Variants in SMAD2 observed in about 807,000 individuals in gnomAD.
The protein encoded by SMAD2 is SMAD family member 2.
A neutral mutation model predicts 64.4 loss-of-function variants in SMAD2; 8 were observed. The observed-to-expected ratio is 0.12, with a 90% confidence interval of 0.07 to 0.22. The LOEUF (loss-of-function observed/expected upper bound fraction) is 0.22. Ranked by LOEUF, SMAD2 falls within the 10% of genes least tolerant of loss-of-function variation. SMAD2 has a pLI of 1.00. For missense variants in SMAD2, 289 were observed against 561.2 expected (o/e 0.51, Z 4.90); for synonymous variants, 203 against 195.8 (o/e 1.04, Z -0.31).
intron 1 of SMAD2, among the ~76,000 whole-genome samples, chr18:47,914,530 A>G (rs545710984): frequency 6.6e-6 from 1 of 152,266 alleles, no homozygotes; most frequent in South Asian, 2.1e-4. Context: ...TACTTTTCAT[A>G]TTAAGTTTCT....
chr18:47,894,778 T>C (rs982929891), intron 2 of SMAD2, among the ~76,000 whole-genome samples: 2 of 152,198 alleles, frequency 1.3e-5, no homozygotes, highest in African/African-American at 4.8e-5. Flanking sequence ...AAACACTGTA[T>C]CTTAACTCCA....
chr18:47,861,930 T>A (rs2031218425), intron 6 of SMAD2, among the ~76,000 whole-genome samples: 1 of 152,218 alleles, frequency 6.6e-6, no homozygotes, highest in African/African-American at 2.4e-5. Flanking sequence ...TTGTCCCTAT[T>A]TTACAGATTT....
chr18:47,822,375 C>G lies in SMAD2; in HGVS notation c.*19452G>C, dbSNP rs1437492638. 4 of 152,200 alleles carry G rather than the reference C, an allele frequency of 2.6e-5. No homozygotes were observed. The South Asian group carries it at 6.2e-4, about 24-fold the overall frequency. 9.4% of individuals were successfully genotyped at this position (152,200 alleles called of 1,614,324 possible). A position where few individuals can be genotyped will look rare whatever the true frequency, so the allele number is the denominator to read the frequency against. On this transcript the variant is annotated 3_prime_UTR_variant, in exon 11 of 11. Coordinates refer to ENST00000262160, the MANE Select transcript of SMAD2 (RefSeq NM_005901.6). ...ACTTTTAAATACAGGTTACTAATCACTTTAATACCAATGGACTAAATATTT... is the reference window on the plus strand; with the variant it reads ...ACTTTTAAATACAGGTTACTAATCAGTTTAATACCAATGGACTAAATATTT...
At chr18:47,860,027 C>T (rs563727080) in intron 6 of SMAD2, among the ~76,000 whole-genome samples, 22 of 152,124 alleles carry the variant, frequency 1.4e-4, no homozygotes, top group African/African-American at 1.9e-4. Flanking sequence ...CCCAGCTTCT[C>T]GAGAGGCTAA....
In SMAD2 at chr18:47,851,845, A is replaced by G. The variant is rs549969041; in HGVS notation, c.731-518T>C. On this transcript the variant is annotated intron_variant, in intron 6 of 10. Coordinates refer to ENST00000262160, the MANE Select transcript of SMAD2 (RefSeq NM_005901.6). ...TAAGAACCAATGCTTTGAGATTGCA[A>G]TAACTAATCTTGACCGTTTTGCACG... Among the ~76,000 whole-genome samples the G allele has an allele frequency of 1.1e-4, 17 of 152,318 alleles. No individual in the cohort carries two copies. The South Asian group carries it at 2.1e-3, about 19-fold the overall frequency.
At chr18:47,891,591 A>T (rs918680620) in intron 2 of SMAD2, among the ~76,000 whole-genome samples, 1 of 151,166 alleles carries the variant, frequency 6.6e-6, no homozygotes, top group Admixed American at 6.6e-5. Context: ...CACAGATGTG[A>T]TCACTGCACA....
At chr18:47,850,239 T>TTATATATTATA (rs560134971) in intron 7 of SMAD2, among the ~76,000 whole-genome samples, 891 of 62,552 alleles carry the variant, frequency 0.014, 14 homozygotes, top group Non-Finnish European at 0.021. Flanking sequence ...ATATTATATA[T>TTATATATTATA]TATATATTAT....
chr18:47,856,927 G>A (rs1204733089), intron 6 of SMAD2, among the ~76,000 whole-genome samples: 9 of 141,048 alleles, frequency 6.4e-5, no homozygotes, highest in African/African-American at 2.1e-4. Flanking sequence ...GCGGGATCTC[G>A]GCTCACTGCA....
At chr18:47,923,978 G>A (rs901300279) in intron 1 of SMAD2, among the ~76,000 whole-genome samples, 1 of 152,206 alleles carries the variant, frequency 6.6e-6, no homozygotes, top group African/African-American at 2.4e-5. Context: ...GCCGGGCGCA[G>A]TGGCTCACGC....
At chr18:47,916,086 C>T (rs916247837) in intron 1 of SMAD2, among the ~76,000 whole-genome samples, 1 of 152,166 alleles carries the variant, frequency 6.6e-6, no homozygotes, top group Non-Finnish European at 1.5e-5. Context: ...TTTTCTAATG[C>T]TTAATCATCC....
intron 1 of SMAD2, among the ~76,000 whole-genome samples, 186 bp from the exon 2 acceptor site, chr18:47,896,995 T>C (rs745563919): frequency 4.2e-4 from 64 of 152,196 alleles, no homozygotes; most frequent in Non-Finnish European, 8.2e-4. Flanking sequence ...CAAACCCTTC[T>C]AAAAACAAGA....
chr18:47,911,243 C>A (rs528939698), intron 1 of SMAD2, among the ~76,000 whole-genome samples: 1 of 151,418 alleles, frequency 6.6e-6, no homozygotes. Flanking sequence ...CCCAACTACT[C>A]GTGAGGCTGA....
chr18:47,915,551 A>T (rs796268026), intron 1 of SMAD2, among the ~76,000 whole-genome samples: 29 of 152,294 alleles, frequency 1.9e-4, no homozygotes, highest in African/African-American at 7.0e-4. Flanking sequence ...AGAAAATTTC[A>T]AACTTTCAAA....
Position 47,896,764 on chromosome 18 carries a change from C to A in SMAD2, c.-8G>T. The A allele has an allele frequency of 2.5e-6, 4 of 1,613,170 alleles. No individual in the cohort carries two copies. Among genetic ancestry groups the A allele is most frequent in the Non-Finnish European group, 3.4e-6 (4 of 1,179,628 alleles). ...TGGCAAGATGGACGACATGTTCTTA[C>A]CAAAGGCAGCAAGCCACGCTAGGAA... On this transcript the variant is annotated 5_prime_UTR_variant, in exon 2 of 11. Coordinates refer to ENST00000262160, the MANE Select transcript of SMAD2 (RefSeq NM_005901.6).
intron 1 of SMAD2, among the ~76,000 whole-genome samples, chr18:47,912,008 T>C (rs548779774): frequency 6.0e-4 from 92 of 152,300 alleles, no homozygotes; most frequent in African/African-American, 2.2e-3. Context: ...CACAGTCTTA[T>C]CCTAGCACAG....
chr18:47,921,482 T>G (rs1462520841), intron 1 of SMAD2, among the ~76,000 whole-genome samples: 1 of 152,170 alleles, frequency 6.6e-6, no homozygotes, highest in Non-Finnish European at 1.5e-5. Context: ...AATTCACTAT[T>G]CCACATGCAG....
intron 2 of SMAD2, among the ~76,000 whole-genome samples, chr18:47,871,304 T>TTTTCTGAAAGTACA (rs1386247638): frequency 6.6e-6 from 1 of 152,238 alleles, no homozygotes; most frequent in Non-Finnish European, 1.5e-5. Context: ...TAAGTTGTAC[T>TTTTCTGAAAGTACA]TTTCTGAAAA....
chr18:47,855,640 C>T (rs113944243), intron 6 of SMAD2, among the ~76,000 whole-genome samples: 2,598 of 151,738 alleles, frequency 0.017, 67 homozygotes, highest in African/African-American at 0.059. Context: ...TTCTTTTTTT[C>T]AGATGGGGTC....
At chr18:47,904,371 G>GGATTTGTGGAGC (rs1439786742) in intron 1 of SMAD2, among the ~76,000 whole-genome samples, 1 of 151,482 alleles carries the variant, frequency 6.6e-6, no homozygotes, top group African/African-American at 2.4e-5. Flanking sequence ...CTGAGTTGGG[G>GGATTTGTGGAGC]GATTTGTGGA....
Sources: allele counts gnomAD v4.1 joint callset (sites outside exome capture counted in the v4.1 genomes callset), GRCh38; gene constraint gnomAD v4.1.1; transcripts MANE v1.5; gene names NCBI Gene and HGNC (gene_info 2026-07-23, HGNC 2026-07-21).